The following CERT1 variants were observed in gnomAD, a reference collection of about 807,000 sequenced individuals.
The protein encoded by CERT1 is ceramide transfer protein.
A neutral mutation model predicts 87.9 loss-of-function variants in CERT1; 31 were observed. That is an observed-to-expected ratio of 0.35 (90% CI 0.27 to 0.48). The LOEUF (loss-of-function observed/expected upper bound fraction) is 0.48. CERT1 is among the 20% of genes least tolerant of loss of function. The probability of loss-of-function intolerance (pLI) is 0.99; values close to 1 mark genes in which losing one functional copy is unlikely to be tolerated. For synonymous variants in CERT1, 289 were observed against 250.9 expected (o/e 1.15, Z -1.44); for missense variants, 487 against 758.0 (o/e 0.64, Z 4.20).
chr5:75,386,102 G>A, intron 12 of CERT1, 68 bp from the exon 13 acceptor site: 13 of 1,242,750 alleles, frequency 1.0e-5, no homozygotes, highest in Non-Finnish European at 1.4e-5. Context: ...AGGAAAGCAT[G>A]CTTTTAATAC....
At chr5:75,491,042 T>A (rs895279760) in intron 2 of CERT1, among the ~76,000 whole-genome samples, 13 of 152,150 alleles carry the variant, frequency 8.5e-5, no homozygotes, top group African/African-American at 2.7e-4. Context: ...TTTTGCTTCT[T>A]AAGTAGTTTT....
chr5:75,415,561 T>C (rs1763100984), intron 7 of CERT1, among the ~76,000 whole-genome samples: 2 of 152,138 alleles, frequency 1.3e-5, no homozygotes, highest in South Asian at 4.1e-4. Flanking sequence ...TGGTATATAA[T>C]GTGCAAAGGT....
intron 8 of CERT1, among the ~76,000 whole-genome samples, chr5:75,403,640 C>T (rs1025515695): frequency 1.3e-5 from 2 of 152,114 alleles, no homozygotes; most frequent in Admixed American, 6.5e-5. Context: ...CATTCAGAGG[C>T]GGATCTTCCT....
chr5:75,407,245 T>C (rs1288052330), intron 8 of CERT1, among the ~76,000 whole-genome samples: 1 of 152,046 alleles, frequency 6.6e-6, no homozygotes, highest in African/African-American at 2.4e-5. Flanking sequence ...GTTTCTATAT[T>C]GTATCATTAT....
intron 3 of CERT1, among the ~76,000 whole-genome samples, chr5:75,444,024 G>C (rs1000986430): frequency 2.0e-5 from 3 of 152,040 alleles, no homozygotes; most frequent in African/African-American, 7.2e-5. Flanking sequence ...CAATCTGTTT[G>C]TTGTCTTTGG....
At chr5:75,384,735 A>C (rs763081217) in intron 13 of CERT1, 23 bp from the exon 14 acceptor site, 8 of 1,406,994 alleles carry the variant, frequency 5.7e-6, no homozygotes, top group African/African-American at 5.7e-5. Context: ...GAATAATAAA[A>C]AGATATATTA....
chr5:75,461,195 C>T (rs558742514), intron 2 of CERT1, among the ~76,000 whole-genome samples: 4 of 152,286 alleles, frequency 2.6e-5, no homozygotes, highest in South Asian at 4.1e-4. Context: ...GTAACTGGGC[C>T]GCACAGCAGG....
intron 2 of CERT1, among the ~76,000 whole-genome samples, chr5:75,499,102 C>G (rs781464897): frequency 2.0e-5 from 3 of 152,200 alleles, no homozygotes; most frequent in Non-Finnish European, 4.4e-5. Context: ...TGTATTTACC[C>G]ACTGCCCATA....
At chr5:75,424,583 A>G (rs1329512776) in intron 5 of CERT1, among the ~76,000 whole-genome samples, 1 of 151,746 alleles carries the variant, frequency 6.6e-6, no homozygotes, top group East Asian at 1.9e-4. Flanking sequence ...AAAAAAAAAG[A>G]AAGAAAAAGA....
intron 11 of CERT1, among the ~76,000 whole-genome samples, chr5:75,397,848 G>A (rs948909152): frequency 1.3e-5 from 2 of 152,158 alleles, no homozygotes; most frequent in South Asian, 2.1e-4. Context: ...GTGAAAACCC[G>A]TCTTTACTAA....
At chr5:75,451,474 C>T (rs900924785) in intron 3 of CERT1, among the ~76,000 whole-genome samples, 1 of 152,132 alleles carries the variant, frequency 6.6e-6, no homozygotes, top group Non-Finnish European at 1.5e-5. Flanking sequence ...TCATATGATG[C>T]AAATAGGTAA....
downstream of CERT1, chr5:75,376,434 TAG>T (rs1229607669): frequency 3.9e-5 from 6 of 152,036 alleles, no homozygotes; most frequent in African/African-American, 1.4e-4. Context: ...TGGTCTTGGA[TAG>T]AGTGAAACAG....
At chr5:75,398,655 T>G (rs768084808) in intron 11 of CERT1, among the ~76,000 whole-genome samples, 51 of 152,166 alleles carry the variant, frequency 3.4e-4, no homozygotes, top group Admixed American at 1.6e-3. Flanking sequence ...CTTCCAATGG[T>G]AATCTGATTT....
At chr5:75,436,975 G>A (rs1363567211) in intron 3 of CERT1, among the ~76,000 whole-genome samples, 2 of 151,974 alleles carry the variant, frequency 1.3e-5, no homozygotes, top group Admixed American at 6.6e-5. Flanking sequence ...TTTTAAAGAC[G>A]GGGTCTTATT....
intron 4 of CERT1, 95 bp from the exon 5 acceptor site, chr5:75,425,594 C>T (rs1561253708): frequency 8.3e-7 from 1 of 1,211,782 alleles, no homozygotes; most frequent in Non-Finnish European, 1.2e-6. Context: ...AGGTCTGCAC[C>T]TTATAACTGA....
intron 3 of CERT1, among the ~76,000 whole-genome samples, chr5:75,434,555 G>A (rs1471777672): frequency 1.3e-5 from 2 of 151,882 alleles, no homozygotes; most frequent in African/African-American, 2.4e-5. Flanking sequence ...AATAATTTCA[G>A]TAGCATTGGT....
chr5:75,475,508 CT>C lies in CERT1; in HGVS notation c.232-16328del, dbSNP rs554732976. ...AAGGAAAGAAGAGCCCTACCATTTT[CT>C]TTTCCCCTCAAGATCATTGTCACTC... On this transcript the variant is annotated intron_variant, in intron 2 of 16. Transcript: ENST00000643780. Among the ~76,000 whole-genome samples, 30 of 152,186 alleles carry C rather than the reference CT, an allele frequency of 2.0e-4. 1 individual carries two copies. In the East Asian group the frequency reaches 3.1e-3, roughly 16 times the overall value.
chr5:75,439,274 T>C (rs893397126), intron 3 of CERT1, among the ~76,000 whole-genome samples: 1 of 151,942 alleles, frequency 6.6e-6, no homozygotes, highest in Non-Finnish European at 1.5e-5. Context: ...TTTAATTATG[T>C]GGAAGATAAA....
chr5:75,425,241 G>C (rs970935480), intron 5 of CERT1, 120 bp downstream of exon 5: 1 of 879,864 alleles, frequency 1.1e-6, no homozygotes, highest in African/African-American at 1.7e-5. Context: ...TTTCACTGGG[G>C]GTTTGCAGCA....
Sources: gnomAD v4.1 joint callset for allele counts (sites outside exome capture counted in the v4.1 genomes callset) on GRCh38, gnomAD v4.1.1 for gene constraint, MANE v1.5 for transcripts, NCBI Gene and HGNC (gene_info 2026-07-23, HGNC 2026-07-21) for gene names.